APC: variants seen among roughly 807,000 people sequenced by gnomAD.
APC encodes adenomatous polyposis coli protein.
In APC, 72 loss-of-function variants were observed where a neutral mutation model predicts 247.0. The ratio of observed to expected loss-of-function variants is 0.29; its 90% confidence interval spans 0.24 to 0.35. The LOEUF (loss-of-function observed/expected upper bound fraction) is 0.35, where lower values mean the gene tolerates loss of function less well. APC is among the 10% of genes least tolerant of loss of function. The pLI, the probability that APC is intolerant of heterozygous loss-of-function variation, is 1.00. For missense variants in APC, 3,400 were observed against 3,360.7 expected (o/e 1.01, Z -0.29); for synonymous variants, 1,254 against 1,162.5 (o/e 1.08, Z -1.60).
chr5:112,761,027 T>A (rs1245184454), intron 2 of APC, among the ~76,000 whole-genome samples: 1 of 152,082 alleles, frequency 6.6e-6, no homozygotes, highest in Non-Finnish European at 1.5e-5. Context: ...GCCAGGATGG[T>A]CTTGATCTCC....
In APC at chr5:112,834,989, T is replaced by C. The variant is rs752591143; in HGVS notation, c.1782T>C (p.Asn594=). The C allele has an allele frequency of 6.2e-7, 1 of 1,614,082 alleles. No individual in the cohort carries two copies. The highest frequency in any genetic ancestry group is 1.1e-5 in the South Asian group (1 of 91,074). Residue 594 remains asparagine, a synonymous_variant, in exon 15 of 16, where the codon AAT becomes AAC. Coordinates refer to ENST00000257430, the MANE Select transcript of APC (RefSeq NM_000038.6). ...TLKSVLSALW[N]LSAHCTENKA... is the part of the protein sequence containing the mutation. ...AAAGCGTATTGAGTGCCTTATGGAA[T>C]TTGTCAGCACATTGCACTGAGAATA...
chr5:112,752,025 T>C (rs1754437667), intron 1 of APC, among the ~76,000 whole-genome samples: 1 of 152,090 alleles, frequency 6.6e-6, no homozygotes, highest in Admixed American at 6.5e-5. Context: ...TAATTAATTT[T>C]CTAATAGTGA....
chr5:112,721,982 A>C (rs1644242), intron 1 of APC, among the ~76,000 whole-genome samples: 1 of 152,076 alleles, frequency 6.6e-6, no homozygotes, highest in Non-Finnish European at 1.5e-5. Flanking sequence ...CCTGGGGACA[A>C]ATTTGCTCTA....
At position 112,763,457 on chromosome 5, in the gene APC, A is replaced by G. The variant is rs116717082; in HGVS notation, c.136-2869A>G. 1.5e-4 allele frequency among the ~76,000 whole-genome samples: 23 copies of G among 152,094 alleles called. No individual in the cohort carries two copies. In the East Asian group the frequency reaches 3.3e-3, roughly 22 times the overall value. On this transcript the variant is annotated intron_variant, in intron 2 of 15. Coordinates refer to ENST00000257430, the MANE Select transcript of APC (RefSeq NM_000038.6). ...ATTGTAGGTACAGCTAAAAAATGCT[A>G]TGGTTTATTTAATACTTATTGTTGG... is the stretch of plus-strand genomic sequence containing the variant.
intron 7 of APC, among the ~76,000 whole-genome samples, chr5:112,800,038 C>G (rs555370802): frequency 2.6e-5 from 4 of 152,138 alleles, no homozygotes; most frequent in Non-Finnish European, 5.9e-5. Flanking sequence ...TGGCATTTGT[C>G]AATTTTACCT....
intron 6 of APC, among the ~76,000 whole-genome samples, chr5:112,788,708 C>T (rs62364020): frequency 0.022 from 3,314 of 152,128 alleles, 60 homozygotes; most frequent in Non-Finnish European, 0.032. Context: ...AAAAGTTATT[C>T]CTAGATATGT....
intron 4 of APC, among the ~76,000 whole-genome samples, chr5:112,769,102 A>AG (rs1360129738): frequency 7.9e-6 from 1 of 126,930 alleles, no homozygotes; most frequent in Non-Finnish European, 1.6e-5. Flanking sequence ...CCCAGGCTAG[A>AG]GTGCAGTGGC....
intron 10 of APC, among the ~76,000 whole-genome samples, chr5:112,821,326 C>T (rs546633269): frequency 8.5e-4 from 130 of 152,154 alleles, no homozygotes; most frequent in Non-Finnish European, 1.4e-3. Flanking sequence ...GGCAACATAG[C>T]AAGACCCTAT....
intron 8 of APC, among the ~76,000 whole-genome samples, chr5:112,814,287 C>G (rs916964363): frequency 3.3e-5 from 5 of 152,170 alleles, no homozygotes; most frequent in African/African-American, 1.2e-4. Context: ...ACCCCACCTC[C>G]TGTCCAGAGT....
chr5:112,791,326 A>G (rs1759558083), intron 6 of APC, among the ~76,000 whole-genome samples: 1 of 152,170 alleles, frequency 6.6e-6, no homozygotes, highest in Non-Finnish European at 1.5e-5. Flanking sequence ...AGCCACAGTT[A>G]GGTACTTGGA....
chr5:112,786,682 G>A (rs1229090749), intron 6 of APC, among the ~76,000 whole-genome samples: 1 of 152,102 alleles, frequency 6.6e-6, no homozygotes, highest in Admixed American at 6.6e-5. Context: ...GTTAAAAACA[G>A]CACATGTACC....
intron 1 of APC, among the ~76,000 whole-genome samples, 163 bp downstream of exon 1, chr5:112,738,088 A>G (rs1752539029): frequency 1.3e-5 from 2 of 152,220 alleles, no homozygotes; most frequent in East Asian, 1.9e-4. Flanking sequence ...CCACTGCAGC[A>G]CTGGAGATGG....
At chr5:112,707,516 C>T, upstream of APC, 1 of 466,428 alleles carries the variant, frequency 2.1e-6, no homozygotes, top group Non-Finnish European at 3.9e-6. Context: ...GTCTTCCCAC[C>T]TCCCACAAGA....
intron 1 of APC, among the ~76,000 whole-genome samples, chr5:112,717,593 G>A (rs56700193): frequency 0.01 from 1,551 of 152,154 alleles, 28 homozygotes; most frequent in African/African-American, 0.035. Flanking sequence ...CTTTATTTCA[G>A]CACATTTCAT....
chr5:112,834,937 C>A lies in APC; in HGVS notation c.1744-14C>A, dbSNP rs761403505. The A allele has an allele frequency of 1.4e-5, 23 of 1,609,864 alleles. No individual in the cohort carries two copies. The Middle Eastern group carries it at 5.0e-4, about 35-fold the overall frequency. On this transcript the variant is annotated splice_polypyrimidine_tract_variant and intron_variant, in intron 14 of 15. Coordinates refer to ENST00000257430, the MANE Select transcript of APC (RefSeq NM_000038.6). ...CAACTCTAATTAGATGACCCATATTCTGTTTCTTACTAGGAATCAACCCTC... is the reference window on the plus strand; with the variant it reads ...CAACTCTAATTAGATGACCCATATTATGTTTCTTACTAGGAATCAACCCTC...
intron 1 of APC, among the ~76,000 whole-genome samples, chr5:112,745,296 G>T (rs1381342128): frequency 2.0e-5 from 3 of 151,838 alleles, no homozygotes; most frequent in African/African-American, 4.8e-5. Flanking sequence ...ATAAAAAGAT[G>T]ACTCAAAAAG....
intron 2 of APC, among the ~76,000 whole-genome samples, chr5:112,760,832 CAG>C (rs1755567560): frequency 1.3e-5 from 2 of 148,762 alleles, no homozygotes; most frequent in East Asian, 2.0e-4. Context: ...TTTTTCAAGA[CAG>C]AGTCTCGCTC....
intron 10 of APC, among the ~76,000 whole-genome samples, chr5:112,819,893 C>T (rs77670235): frequency 0.015 from 2,349 of 152,194 alleles, 33 homozygotes; most frequent in African/African-American, 0.017. Context: ...TAACCATGGC[C>T]TCACACCTAG....
At chr5:112,786,168 C>T (rs1438568392) in intron 6 of APC, among the ~76,000 whole-genome samples, 1 of 152,158 alleles carries the variant, frequency 6.6e-6, no homozygotes, top group Non-Finnish European at 1.5e-5. Context: ...AATCATAATA[C>T]ACTACAGCCT....
Sources: gnomAD v4.1 joint callset for allele counts (sites outside exome capture counted in the v4.1 genomes callset) on GRCh38, gnomAD v4.1.1 for gene constraint, MANE v1.5 for transcripts, NCBI Gene and HGNC (gene_info 2026-07-23, HGNC 2026-07-21) for gene names.